GRM7: variants seen among roughly 807,000 people sequenced by gnomAD.
The protein encoded by GRM7 is metabotropic glutamate receptor 7.
GRM7 carries 35 observed loss-of-function variants against 84.5 expected under a neutral mutation model. The ratio of observed to expected loss-of-function variants is 0.41; its 90% CI spans 0.32 to 0.55. GRM7 has a LOEUF of 0.55. Ranked by LOEUF, GRM7 falls within the 20% of genes least tolerant of loss-of-function variation. GRM7 has a pLI of 0.19. For missense variants in GRM7, 1,003 were observed against 1,194.6 expected, an observed-to-expected ratio of 0.84 and a Z score of 2.36; for synonymous variants, 487 against 455.1, an observed-to-expected ratio of 1.07 and a Z score of -0.89.
chr3:7,455,769 GGGAAGGT>G (rs1232516968), intron 6 of GRM7, among the ~76,000 whole-genome samples: 1 of 152,048 alleles, frequency 6.6e-6, no homozygotes, highest in African/African-American at 2.4e-5. Flanking sequence ...AAACACTAAT[GGGAAGGT>G]GGAGGAATTT....
At chr3:7,184,818 C>T (rs989937204) in intron 2 of GRM7, among the ~76,000 whole-genome samples, 17 of 152,062 alleles carry the variant, frequency 1.1e-4, no homozygotes, top group Admixed American at 2.6e-4. Flanking sequence ...CTTGATTTCA[C>T]TATTGTTGAT....
intron 1 of GRM7, among the ~76,000 whole-genome samples, chr3:6,927,523 AAAAG>A (rs912716528): frequency 2.8e-5 from 4 of 145,048 alleles, no homozygotes; most frequent in Non-Finnish European, 4.7e-5. Flanking sequence ...GAAAGAAGAG[AAAAG>A]AAAGAAAGAA....
intron 1 of GRM7, among the ~76,000 whole-genome samples, chr3:7,081,048 G>T (rs73112890): frequency 6.6e-6 from 1 of 152,034 alleles, no homozygotes; most frequent in African/African-American, 2.4e-5. Flanking sequence ...GTTACTTTGT[G>T]TAGCTTCTCC....
At chr3:6,987,952 C>T (rs1030098012) in intron 1 of GRM7, among the ~76,000 whole-genome samples, 4 of 151,008 alleles carry the variant, frequency 2.6e-5, no homozygotes, top group Non-Finnish European at 5.9e-5. Flanking sequence ...TGAACTGTCC[C>T]TGAGAATCAG....
rs771129754 is a variant in GRM7, at chr3:7,415,084, C to T, written c.1095C>T (p.Ala365=). ...ACAACAGAAGAAATGTATGGTTTGC[C>T]GAATACTGGGAGGAAAACTTCAACT... The part of the protein sequence containing the change: ...LENNRRNVWF[A]EYWEENFNCK... The change falls in exon 5 of 10, where the codon GCC becomes GCT. Residue 365 remains alanine (A), a synonymous_variant. Coordinates refer to ENST00000357716, the MANE Select transcript of GRM7 (RefSeq NM_000844.4). The T allele has an allele frequency of 5.6e-6, 9 of 1,612,262 alleles. No homozygotes were observed. Among genetic ancestry groups the T allele is most frequent in the South Asian group, 3.3e-5 (3 of 91,030 alleles).
At chr3:7,163,980 A>G (rs191487505) in intron 2 of GRM7, among the ~76,000 whole-genome samples, 89 of 152,354 alleles carry the variant, frequency 5.8e-4, no homozygotes, top group African/African-American at 2.0e-3. Context: ...CATCCCTATC[A>G]GAGAACTTTT....
At chr3:7,454,088 A>ACTCTCTCT (rs1284686500) in intron 6 of GRM7, among the ~76,000 whole-genome samples, 42 of 111,736 alleles carry the variant, frequency 3.8e-4, no homozygotes, top group African/African-American at 4.6e-4. Context: ...AGCTACACAC[A>ACTCTCTCT]CACTCTCTCT....
intron 2 of GRM7, among the ~76,000 whole-genome samples, chr3:7,227,804 G>A (rs1409561409): frequency 6.6e-6 from 1 of 152,094 alleles, no homozygotes; most frequent in Admixed American, 6.6e-5. Context: ...AGACTTCTCT[G>A]GCTGCAAGTG....
At chr3:7,145,817 T>C (rs2125066001) in intron 1 of GRM7, among the ~76,000 whole-genome samples, 1 of 152,198 alleles carries the variant, frequency 6.6e-6, no homozygotes, top group East Asian at 1.9e-4. Flanking sequence ...AAAAGAGAAT[T>C]TGGAAAATTT....
intron 1 of GRM7, among the ~76,000 whole-genome samples, chr3:7,137,572 T>C (rs1230201370): frequency 6.6e-6 from 1 of 151,986 alleles, no homozygotes; most frequent in Non-Finnish European, 1.5e-5. Flanking sequence ...AGAGAAATAA[T>C]TGGAGAGATT....
At chr3:7,663,770 G>C (rs1460976378) in intron 8 of GRM7, among the ~76,000 whole-genome samples, 4 of 152,160 alleles carry the variant, frequency 2.6e-5, no homozygotes, top group African/African-American at 7.2e-5. Flanking sequence ...ATGCTTCTGA[G>C]ACTCAAAGGC....
At chr3:7,117,635 G>A (rs529787661) in intron 1 of GRM7, among the ~76,000 whole-genome samples, 128 of 152,242 alleles carry the variant, frequency 8.4e-4, no homozygotes, top group Non-Finnish European at 1.2e-3. Flanking sequence ...CAGTTATTCA[G>A]TTATCTCAGA....
chr3:7,532,216 C>T (rs1701064911), intron 7 of GRM7, among the ~76,000 whole-genome samples: 1 of 152,144 alleles, frequency 6.6e-6, no homozygotes, highest in Admixed American at 6.5e-5. Context: ...CTTTGTACCT[C>T]TGGTAGAATT....
At chr3:7,163,499 C>T (rs1159902432) in intron 2 of GRM7, among the ~76,000 whole-genome samples, 2 of 152,120 alleles carry the variant, frequency 1.3e-5, no homozygotes, top group Non-Finnish European at 2.9e-5. Flanking sequence ...CTCATTGCAG[C>T]TAGGGGTTTT....
In GRM7 at chr3:7,364,170, G is replaced by A. The variant is rs371250776; in HGVS notation, c.1034-50853G>A. Among the ~76,000 whole-genome samples, 12 of 151,856 alleles carry A rather than the reference G, an allele frequency of 7.9e-5. No homozygotes were observed. In the East Asian group the frequency reaches 1.9e-3, roughly 25 times the overall value. On this transcript the variant is annotated intron_variant, in intron 4 of 9. Coordinates refer to ENST00000357716, the MANE Select transcript of GRM7 (RefSeq NM_000844.4). The stretch of plus-strand genomic sequence containing the variant: ...TTCCTCTATATAATTTTATCAAGTT[G>A]TGAGAAAAAGAATTTCCTTGTTAGA...
intron 5 of GRM7, among the ~76,000 whole-genome samples, chr3:7,416,992 T>A (rs1696187271): frequency 6.6e-6 from 1 of 152,088 alleles, no homozygotes. Context: ...GACGTTAGGA[T>A]TGTCCCACTC....
At chr3:7,674,135 T>C (rs1036989553) in intron 8 of GRM7, among the ~76,000 whole-genome samples, 2 of 151,444 alleles carry the variant, frequency 1.3e-5, no homozygotes, top group Non-Finnish European at 2.9e-5. Flanking sequence ...ATATACACTA[T>C]GAAGAAATGA....
At chr3:7,566,110 T>TG (rs1694251157) in intron 7 of GRM7, among the ~76,000 whole-genome samples, 1 of 27,490 alleles carries the variant, frequency 3.6e-5, no homozygotes. Context: ...GCTGTTTTTT[T>TG]TTTTTTTTTT....
chr3:6,864,089 G>T lies in GRM7; in HGVS notation c.519+2182G>T, dbSNP rs1280323380. 2.6e-5 allele frequency among the ~76,000 whole-genome samples: 4 copies of T among 152,162 alleles called. No individual in the cohort carries two copies. The East Asian group carries it at 5.8e-4, about 22-fold the overall frequency. ...AAAGTAACCCAATGTTAGCGTTAGC[G>T]TTATGGCTGGGGAGTAAAACCATTC... On this transcript the variant is annotated intron_variant, in intron 1 of 9. Coordinates refer to ENST00000357716, the MANE Select transcript of GRM7 (RefSeq NM_000844.4).
Sources: gnomAD v4.1 joint callset for allele counts (sites outside exome capture counted in the v4.1 genomes callset) on GRCh38, gnomAD v4.1.1 for gene constraint, MANE v1.5 for transcripts, NCBI Gene and HGNC (gene_info 2026-07-23, HGNC 2026-07-21) for gene names.